KCTD19: variants seen among roughly 807,000 people sequenced by gnomAD.
The protein encoded by KCTD19 is BTB/POZ domain-containing protein KCTD19.
In KCTD19, 67 loss-of-function variants were observed where a neutral mutation model predicts 103.5. The ratio of observed to expected loss-of-function variants is 0.65; its 90% CI spans 0.53 to 0.79. The LOEUF is 0.79. Ranked by LOEUF, KCTD19 falls within the 30% of genes least tolerant of loss-of-function variation. KCTD19 has a pLI of 0.00. For synonymous variants in KCTD19, 439 were observed against 452.2 expected, an observed-to-expected ratio of 0.97 and a Z score of 0.37; for missense variants, 980 against 1,136.1, an observed-to-expected ratio of 0.86 and a Z score of 1.98.
chr16:67,299,789 T>C (rs2036814097), intron 5 of KCTD19: 2 of 556,736 alleles, frequency 3.6e-6, no homozygotes, highest in East Asian at 6.1e-5. Flanking sequence ...GGGAGGTGAG[T>C]TGGGAGTGGG....
chr16:67,294,037 T>C lies in KCTD19; in HGVS notation c.1725A>G (p.Leu575=), dbSNP rs779125067. The C allele has an allele frequency of 1.2e-6, 2 of 1,614,050 alleles. No individual in the cohort carries two copies. Among genetic ancestry groups the C allele is most frequent in the South Asian group, 1.1e-5 (1 of 91,082 alleles). ...EQYTRPIQVS[L]CRNAKRAGNP... ...TGCCAGCCCTCTTGGCATTTCGGCA[T>C]AGGGACACCTGGATGGGCCGAGTGT... Residue 575 remains leucine (L), a synonymous_variant, in exon 12 of 16, where the codon CTA becomes CTG. Coordinates refer to ENST00000304372, the MANE Select transcript of KCTD19 (RefSeq NM_001100915.3).
In KCTD19 at chr16:67,326,739, T is replaced by C. The variant is rs776066182; in HGVS notation, c.-32A>G. 3 of 1,564,008 alleles carry C rather than the reference T, an allele frequency of 1.9e-6. No individual in the cohort carries two copies. Among genetic ancestry groups the C allele is most frequent in the Non-Finnish European group, 2.6e-6 (3 of 1,161,004 alleles). On this transcript the variant is annotated 5_prime_UTR_variant, in exon 1 of 16. Coordinates refer to ENST00000304372, the MANE Select transcript of KCTD19 (RefSeq NM_001100915.3). ...GGCTCCAGCAGCGGGCGGGCGGGCTTGTGACCCGGCCAATAACGGTTCCCG... is the reference window on the plus strand; with the variant it reads ...GGCTCCAGCAGCGGGCGGGCGGGCTCGTGACCCGGCCAATAACGGTTCCCG...
intron 2 of KCTD19, among the ~76,000 whole-genome samples, chr16:67,318,304 G>A (rs1302328614): frequency 6.6e-6 from 1 of 152,168 alleles, no homozygotes; most frequent in Non-Finnish European, 1.5e-5. Flanking sequence ...GCTCATGCCT[G>A]TAATCCCAGC....
intron 5 of KCTD19, chr16:67,299,809 T>C (rs2036814347): frequency 1.9e-6 from 1 of 539,124 alleles, no homozygotes; most frequent in Non-Finnish European, 3.2e-6. Flanking sequence ...GGGGATTCAT[T>C]TGCTGTATCA....
intron 2 of KCTD19, 57 bp from the exon 3 acceptor site, chr16:67,304,628 A>G: frequency 2.1e-6 from 3 of 1,452,232 alleles, no homozygotes; most frequent in South Asian, 2.3e-5. Context: ...CTATGTACCA[A>G]TTCTAGTGTG....
chr16:67,295,614 C>G, intron 8 of KCTD19: 1 of 489,518 alleles, frequency 2.0e-6, no homozygotes, highest in Non-Finnish European at 3.6e-6. Context: ...TTGATGGCCC[C>G]TAGACCACCC....
At chr16:67,292,111 C>T (rs544548917) in intron 12 of KCTD19, among the ~76,000 whole-genome samples, 3 of 152,192 alleles carry the variant, frequency 2.0e-5, no homozygotes, top group Admixed American at 6.5e-5. Flanking sequence ...GTGATCCACC[C>T]GCCTCAGCCT....
intron 2 of KCTD19, among the ~76,000 whole-genome samples, chr16:67,313,988 C>G (rs1245377510): frequency 6.6e-6 from 1 of 151,978 alleles, no homozygotes; most frequent in Non-Finnish European, 1.5e-5. Flanking sequence ...TTCTGAGTAG[C>G]TGAGACTACA....
chr16:67,319,968 A>G (rs1159014868), intron 2 of KCTD19, among the ~76,000 whole-genome samples: 1 of 152,254 alleles, frequency 6.6e-6, no homozygotes, highest in Non-Finnish European at 1.5e-5. Flanking sequence ...AAAAAACAAA[A>G]AACAAGAAGT....
chr16:67,297,372 C>G, intron 7 of KCTD19, 131 bp downstream of exon 7: 2 of 936,172 alleles, frequency 2.1e-6, no homozygotes, highest in Non-Finnish European at 3.2e-6. Context: ...TTGTAAAAAT[C>G]CAAAATATTG....
rs191453851 is a variant in KCTD19, at chr16:67,323,975, T to C, written c.3+2730A>G. On this transcript the variant is annotated intron_variant, in intron 1 of 15. Transcript: ENST00000304372. The surrounding 1 kb of genome is among the most constrained non-coding windows in gnomAD (Gnocchi z 4.1). ...GGATCTTACCTGCAGAGACATTACA[T>C]TACTGGAGGATGAATGCTATAGATA... is the stretch of plus-strand genomic sequence containing the variant. 5.9e-5 allele frequency among the ~76,000 whole-genome samples: 9 copies of C among 152,194 alleles called. No homozygotes were observed. The East Asian group carries it at 9.7e-4, about 16-fold the overall frequency.
intron 2 of KCTD19, among the ~76,000 whole-genome samples, chr16:67,307,791 A>G (rs1210299045): frequency 6.6e-6 from 1 of 152,214 alleles, no homozygotes; most frequent in Non-Finnish European, 1.5e-5. Flanking sequence ...TGTGATGGAA[A>G]CATTCCAATG....
At chr16:67,313,068 A>G (rs1160778614) in intron 2 of KCTD19, among the ~76,000 whole-genome samples, 3 of 152,046 alleles carry the variant, frequency 2.0e-5, no homozygotes, top group African/African-American at 7.3e-5. Context: ...AAATGAGCAT[A>G]GCTGTGTTCC....
At chr16:67,296,908 A>T (rs909664137) in intron 7 of KCTD19, among the ~76,000 whole-genome samples, 2 of 152,216 alleles carry the variant, frequency 1.3e-5, no homozygotes, top group African/African-American at 4.8e-5. Context: ...AAAGGGACTA[A>T]GTCTGTGTTG....
Position 67,291,743 on chromosome 16 carries a change from G to A in KCTD19, c.2313C>T (p.Ser771=), listed in dbSNP as rs1277673128. The A allele has an allele frequency of 1.2e-6, 2 of 1,613,996 alleles. No homozygotes were observed. The highest frequency in any genetic ancestry group is 3.3e-5 in the Admixed American group (2 of 60,002). ...LKVTHPPVVG[S]DGFCMFFEDS... ...CCTCAAAGAACATGCAGAAGCCATCGCTGCCCACCACGGGGGGGTGAGTCA... is the reference window on the plus strand; with the variant it reads ...CCTCAAAGAACATGCAGAAGCCATCACTGCCCACCACGGGGGGGTGAGTCA... Residue 771 remains serine, a synonymous_variant, in exon 13 of 16, where the codon AGC becomes AGT. Coordinates refer to ENST00000304372, the MANE Select transcript of KCTD19 (RefSeq NM_001100915.3).
At chr16:67,290,125 A>G (rs1171854620) in intron 15 of KCTD19, among the ~76,000 whole-genome samples, 1 of 151,786 alleles carries the variant, frequency 6.6e-6, no homozygotes, top group African/African-American at 2.4e-5. Context: ...AAGGAAAAAG[A>G]AAAAAACCCT....
At chr16:67,324,507 T>G (rs1456834886) in intron 1 of KCTD19, among the ~76,000 whole-genome samples, 5 of 152,304 alleles carry the variant, frequency 3.3e-5, no homozygotes, top group East Asian at 1.9e-4. Flanking sequence ...AAAACAAATA[T>G]GAGCAAAATG....
intron 2 of KCTD19, among the ~76,000 whole-genome samples, chr16:67,315,731 G>A (rs538594855): frequency 9.2e-5 from 14 of 151,690 alleles, no homozygotes; most frequent in Non-Finnish European, 1.6e-4. Flanking sequence ...CGCCTGCCTC[G>A]GCCTCCCAAA....
chr16:67,311,924 C>T (rs2036953845), intron 2 of KCTD19, among the ~76,000 whole-genome samples: 1 of 152,226 alleles, frequency 6.6e-6, no homozygotes, highest in African/African-American at 2.4e-5. Flanking sequence ...ATGTCATCCT[C>T]TTCCTTTCCA....
Sources: allele counts gnomAD v4.1 joint callset (sites outside exome capture counted in the v4.1 genomes callset), GRCh38; gene constraint gnomAD v4.1.1; non-coding constraint Gnocchi (gnomAD v3.1); transcripts MANE v1.5; gene names NCBI Gene and HGNC (gene_info 2026-07-23, HGNC 2026-07-21).